The following RASGRP3 variants were observed in gnomAD, a reference collection of about 807,000 sequenced individuals.
The protein encoded by RASGRP3 is RAS guanyl releasing protein 3.
RASGRP3 carries 54 observed loss-of-function variants against 82.7 expected under a neutral mutation model. The observed-to-expected ratio is 0.65, with a 90% CI of 0.52 to 0.82. RASGRP3 has a LOEUF of 0.82. Ranked by LOEUF, RASGRP3 falls within the 40% of genes least tolerant of loss-of-function variation. The probability of loss-of-function intolerance (pLI) is 0.00; values close to 1 mark genes in which losing one functional copy is unlikely to be tolerated. For missense variants in RASGRP3, 861 were observed against 828.9 expected (o/e 1.04, Z -0.48); for synonymous variants, 309 against 300.5 (o/e 1.03, Z -0.29).
chr2:33,450,781 T>TTTTTC (rs1330462501), intron 2 of RASGRP3, among the ~76,000 whole-genome samples: 1 of 149,828 alleles, frequency 6.7e-6, no homozygotes, highest in Admixed American at 6.7e-5. Context: ...TTTAAATGTT[T>TTTTTC]TTTTCTTTTT....
intron 4 of RASGRP3, among the ~76,000 whole-genome samples, chr2:33,519,284 T>C (rs1420169621): frequency 6.6e-6 from 1 of 152,212 alleles, no homozygotes; most frequent in Non-Finnish European, 1.5e-5. Flanking sequence ...CATAACTGTA[T>C]AAGGCATTAA....
chr2:33,522,065 T>A lies in RASGRP3; in HGVS notation c.479T>A (p.Leu160His), dbSNP rs1672087557. The A allele has an allele frequency of 6.2e-7, 1 of 1,612,430 alleles. No homozygotes were observed. The highest frequency in any genetic ancestry group is 8.5e-7 in the Non-Finnish European group (1 of 1,179,548). The change falls in exon 7 of 18, where the codon CTC becomes CAC. Residue 160 changes from leucine (L) to histidine (H), a missense_variant. Transcript: ENST00000403687. ...GAGCCCATTGAATTGGCTGAGCACCTCACTTTTCTGGAGCATAAATCTTTT... is the reference window on the plus strand; with the variant it reads ...GAGCCCATTGAATTGGCTGAGCACCACACTTTTCTGGAGCATAAATCTTTT... Reference protein sequence around the residue: ...HLEPIELAEHLTFLEHKSFRR... With the variant: ...HLEPIELAEHHTFLEHKSFRR...
intron 1 of RASGRP3, among the ~76,000 whole-genome samples, chr2:33,445,716 T>C (rs1434161196): frequency 6.6e-6 from 1 of 151,844 alleles, no homozygotes; most frequent in Non-Finnish European, 1.5e-5. Context: ...ATATCATATA[T>C]TAATATGCTA....
chr2:33,497,462 G>A (rs533642041), intron 1 of RASGRP3, among the ~76,000 whole-genome samples: 1 of 152,280 alleles, frequency 6.6e-6, no homozygotes, highest in South Asian at 2.1e-4. Context: ...TCCTTATTAT[G>A]ACTAGTAGAT....
chr2:33,484,812 C>T (rs1668229318), intron 1 of RASGRP3, among the ~76,000 whole-genome samples: 1 of 152,156 alleles, frequency 6.6e-6, no homozygotes, highest in African/African-American at 2.4e-5. Context: ...AGGTCACAAG[C>T]CAGTGAGTAA....
At chr2:33,533,612 A>G (rs550180750) in intron 10 of RASGRP3, 1 of 152,280 alleles carries the variant, frequency 6.6e-6, no homozygotes, top group African/African-American at 2.4e-5. Flanking sequence ...CAGAGAGGAA[A>G]TTACTTGCTA....
chr2:33,487,119 T>C (rs561804852), intron 1 of RASGRP3, among the ~76,000 whole-genome samples: 24 of 152,204 alleles, frequency 1.6e-4, no homozygotes, highest in Non-Finnish European at 2.9e-4. Context: ...AGATATTTCA[T>C]CATTCCATCC....
chr2:33,528,011 C>T (rs934234490), intron 10 of RASGRP3, among the ~76,000 whole-genome samples: 2 of 152,172 alleles, frequency 1.3e-5, no homozygotes, highest in Admixed American at 6.5e-5. Context: ...CTTCTGCTTC[C>T]TGGCCTTTGG....
At chr2:33,498,671 T>C (rs1483077237) in intron 1 of RASGRP3, among the ~76,000 whole-genome samples, 1 of 152,204 alleles carries the variant, frequency 6.6e-6, no homozygotes, top group Non-Finnish European at 1.5e-5. Flanking sequence ...TCAGTGCCAT[T>C]TTCTCTGTGT....
At chr2:33,561,997 T>G (rs1279347121) in intron 17 of RASGRP3, among the ~76,000 whole-genome samples, 11 of 152,200 alleles carry the variant, frequency 7.2e-5, no homozygotes, top group Non-Finnish European at 2.9e-5. Flanking sequence ...GGTTGGGAAA[T>G]GCTGACTAAA....
At chr2:33,555,993 G>A (rs1005313583) in intron 15 of RASGRP3, among the ~76,000 whole-genome samples, 4 of 152,104 alleles carry the variant, frequency 2.6e-5, no homozygotes, top group African/African-American at 9.7e-5. Flanking sequence ...GACAAAAAAC[G>A]AGGAGAAAAC....
chr2:33,450,818 CTTTCTTTTTTTTTTTTTTT>C (rs1301130835), intron 2 of RASGRP3, among the ~76,000 whole-genome samples: 66 of 43,412 alleles, frequency 1.5e-3, no homozygotes, highest in African/African-American at 1.8e-3. Context: ...CTCTTTCTTT[CTTTCTTTTTTTTTTTTTTT>C]TTTTTTTTTT....
Position 33,563,656 on chromosome 2 carries a change from T to G in RASGRP3, c.*919T>G, listed in dbSNP as rs545401736. 13 of 151,888 alleles carry G rather than the reference T, an allele frequency of 8.6e-5. No individual in the cohort carries two copies. The highest frequency in any genetic ancestry group is 2.9e-4 in the African/African-American group (12 of 41,428). 9.4% of individuals were successfully genotyped at this position (151,888 alleles called of 1,614,324 possible). ...AGGTGAAATGCAAAACAACCATCAA[T>G]TTTTTTAAACTCAATAATTTTGTGA... On this transcript the variant is annotated 3_prime_UTR_variant, in exon 18 of 18. Transcript: ENST00000403687.
At chr2:33,467,598 T>C (rs1275473603) in intron 2 of RASGRP3, among the ~76,000 whole-genome samples, 1 of 152,186 alleles carries the variant, frequency 6.6e-6, no homozygotes, top group African/African-American at 2.4e-5. Context: ...TGGGATGAGA[T>C]GTGGTATGTG....
upstream of RASGRP3, among the ~76,000 whole-genome samples, chr2:33,476,051 A>G (rs2150924255): frequency 6.6e-6 from 1 of 152,266 alleles, no homozygotes; most frequent in Non-Finnish European, 1.5e-5. Flanking sequence ...TTTGCCCCTC[A>G]GCGTCCCTTG....
chr2:33,521,914 G>A (rs1274728553), intron 6 of RASGRP3, 41 bp from the exon 7 acceptor site: 5 of 1,573,388 alleles, frequency 3.2e-6, no homozygotes, highest in Non-Finnish European at 4.3e-6. Context: ...TGAGTGAAAT[G>A]GGCTTTCAAC....
At chr2:33,465,713 T>G (rs1470142658) in intron 2 of RASGRP3, among the ~76,000 whole-genome samples, 2 of 152,200 alleles carry the variant, frequency 1.3e-5, no homozygotes, top group Non-Finnish European at 2.9e-5. Context: ...AGGACTTTCA[T>G]AGCTAGAAAG....
chr2:33,471,542 T>G (rs1667062472), intron 2 of RASGRP3, among the ~76,000 whole-genome samples: 1 of 151,952 alleles, frequency 6.6e-6, no homozygotes, highest in Non-Finnish European at 1.5e-5. Context: ...GTGGTTTTCT[T>G]TATTATGCTT....
At chr2:33,557,816 C>G (rs1267689712) in intron 15 of RASGRP3, among the ~76,000 whole-genome samples, 6 of 152,066 alleles carry the variant, frequency 3.9e-5, no homozygotes, top group Non-Finnish European at 8.8e-5. Flanking sequence ...GCTTCTTGCC[C>G]TAATGCTGGC....
Sources: allele counts gnomAD v4.1 joint callset (sites outside exome capture counted in the v4.1 genomes callset), GRCh38; gene constraint gnomAD v4.1.1; transcripts MANE v1.5; gene names NCBI Gene and HGNC (gene_info 2026-07-23, HGNC 2026-07-21).